DOCK9: variants seen among roughly 807,000 people sequenced by gnomAD.
DOCK9 encodes the protein dedicator of cytokinesis 9, also known as dedicator of cytokinesis protein 9.
A neutral mutation model predicts 263.3 loss-of-function variants in DOCK9; 89 were observed. The ratio of observed to expected loss-of-function variants is 0.34; its 90% CI spans 0.28 to 0.40. DOCK9 has a LOEUF of 0.40. Ranked by LOEUF, DOCK9 falls within the 10% of genes least tolerant of loss-of-function variation. The probability of loss-of-function intolerance (pLI) is 1.00; values close to 1 mark genes in which losing one functional copy is unlikely to be tolerated. For synonymous variants in DOCK9, 976 were observed against 973.1 expected (o/e 1.00, Z -0.06); for missense variants, 2,140 against 2,603.4 (o/e 0.82, Z 3.87).
Position 98,955,460 on chromosome 13 carries a change from A to G in DOCK9, c.218T>C (p.Leu73Pro). 1.3e-6 allele frequency: 2 copies of G among 1,593,670 alleles called. No individual in the cohort carries two copies. The highest frequency in any genetic ancestry group is 1.7e-6 in the Non-Finnish European group (2 of 1,168,788). Residue 73 changes from leucine to proline, a missense_variant, in exon 2 of 53, where the codon CTG becomes CCG. Physicochemically the swap from Leu to Pro is moderately conservative, Grantham distance 98 (BLOSUM62 -3). Transcript: ENST00000682017. Reference sequence around the variant, plus strand: ...CTGAAAGTCATCGTAAGGGAAGAGCAGCATCTCCCGTAAACAGTCGTTCAG... The same window carrying G: ...CTGAAAGTCATCGTAAGGGAAGAGCGGCATCTCCCGTAAACAGTCGTTCAG... ...QILNDCLREMLLFPYDDFQTA... is the reference protein window; with the variant it reads ...QILNDCLREMPLFPYDDFQTA...
intron 22 of DOCK9, 146 bp from the exon 23 acceptor site, chr13:98,883,277 T>A: frequency 2.6e-6 from 2 of 773,404 alleles, no homozygotes; most frequent in Non-Finnish European, 4.1e-6. Flanking sequence ...AGACAGAGTC[T>A]TGCTCTGTCG....
At chr13:98,885,549 A>AG (rs368698550) in intron 20 of DOCK9, 159 bp downstream of exon 20, 1 of 802,690 alleles carries the variant, frequency 1.2e-6, no homozygotes, top group Admixed American at 3.7e-5. Context: ...AAAAAAAAAA[A>AG]AAAATTACAT....
At chr13:98,841,836 T>C (rs2093230586) in intron 38 of DOCK9, among the ~76,000 whole-genome samples, 1 of 151,524 alleles carries the variant, frequency 6.6e-6, no homozygotes, top group South Asian at 2.1e-4. Context: ...AGAGACGGGG[T>C]TTCACCATGT....
chr13:99,005,136 T>C (rs956931042), intron 1 of DOCK9, among the ~76,000 whole-genome samples: 1 of 152,040 alleles, frequency 6.6e-6, no homozygotes, highest in Admixed American at 6.5e-5. Context: ...CGCTGGAATT[T>C]TTCTTTCATC....
At chr13:98,952,103 G>A (rs1336595602) in intron 2 of DOCK9, among the ~76,000 whole-genome samples, 6 of 151,268 alleles carry the variant, frequency 4.0e-5, no homozygotes, top group Non-Finnish European at 1.5e-5. Flanking sequence ...TTGCCATGTT[G>A]GCCAGGCTGG....
At position 98,902,592 on chromosome 13, in the gene DOCK9, C is replaced by T. The variant is rs79377406; in HGVS notation, c.1177-101G>A. 7.3e-3 allele frequency: 7,778 copies of T among 1,071,374 alleles called. 395 individuals are homozygous for T. In the African/African-American group the frequency reaches 0.11, roughly 15 times the overall value. The allele number at this position is 1,071,374 out of a possible 1,614,324, so 66.4% of individuals were successfully genotyped here. ...TGACAAGACCTATTTAGGACTGTTG[C>T]CATAAATTACTACTAAACAGTCTCA... On this transcript the variant is annotated intron_variant, in intron 11 of 52. Transcript: ENST00000682017.
Position 98,897,623 on chromosome 13 carries a change from A to G in DOCK9, c.1587-13T>C. 6.2e-7 allele frequency: 1 copy of G among 1,611,950 alleles called. No homozygotes were observed. The highest frequency in any genetic ancestry group is 8.5e-7 in the Non-Finnish European group (1 of 1,179,232). ...CTTAAACAATGTCCTGAAATGGCAAAGCAACATTTCTAAACTGGGTTTCCA... is the reference window on the plus strand; with the variant it reads ...CTTAAACAATGTCCTGAAATGGCAAGGCAACATTTCTAAACTGGGTTTCCA... On this transcript the variant is annotated splice_polypyrimidine_tract_variant and intron_variant, in intron 14 of 52. Transcript: ENST00000682017.
At chr13:98,998,894 T>C (rs1266995203) in intron 1 of DOCK9, among the ~76,000 whole-genome samples, 1 of 152,008 alleles carries the variant, frequency 6.6e-6, no homozygotes, top group African/African-American at 2.4e-5. Context: ...TCAAAATTAG[T>C]TTGCAACCCC....
intron 1 of DOCK9, among the ~76,000 whole-genome samples, chr13:99,017,129 C>A (rs1003365598): frequency 4.6e-5 from 7 of 152,248 alleles, no homozygotes; most frequent in Non-Finnish European, 7.4e-5. Context: ...AACAGGATGA[C>A]CCTCTGGGGT....
chr13:98,797,511 T>A, intron 50 of DOCK9, 22 bp from the exon 51 acceptor site: 1 of 1,582,928 alleles, frequency 6.3e-7, no homozygotes, highest in Non-Finnish European at 8.6e-7. Flanking sequence ...GCAAAGATTT[T>A]CAGTTCCACT....
At chr13:98,898,376 T>C (rs2047751224) in intron 13 of DOCK9, 115 bp from the exon 14 acceptor site, 6 of 726,998 alleles carry the variant, frequency 8.3e-6, no homozygotes, top group South Asian at 1.7e-5. Context: ...ATTGGATGCA[T>C]AGAAAAGCAC....
chr13:98,948,953 C>T (rs1419820426), intron 2 of DOCK9, among the ~76,000 whole-genome samples: 2 of 152,296 alleles, frequency 1.3e-5, no homozygotes, highest in African/African-American at 2.4e-5. Context: ...ATTTATCCCT[C>T]GATGGACACT....
chr13:99,056,159 C>A (rs996600243), intron 1 of DOCK9, among the ~76,000 whole-genome samples: 1 of 152,086 alleles, frequency 6.6e-6, no homozygotes, highest in Non-Finnish European at 1.5e-5. Context: ...TTCCTGTAAA[C>A]GGAGTGCCAA....
chr13:99,019,935 T>C (rs932201718), intron 1 of DOCK9, among the ~76,000 whole-genome samples: 1 of 152,020 alleles, frequency 6.6e-6, no homozygotes, highest in Admixed American at 6.5e-5. Flanking sequence ...ACCCCAATCC[T>C]ACTAAAAATA....
chr13:98,951,593 G>A (rs2057415254), intron 2 of DOCK9, among the ~76,000 whole-genome samples: 1 of 152,222 alleles, frequency 6.6e-6, no homozygotes, highest in Non-Finnish European at 1.5e-5. Flanking sequence ...ATACTCAAGT[G>A]TTTATGTGCA....
chr13:99,014,452 T>C (rs1885059059), intron 1 of DOCK9, among the ~76,000 whole-genome samples: 1 of 152,198 alleles, frequency 6.6e-6, no homozygotes, highest in Admixed American at 6.5e-5. Flanking sequence ...TCCTCCCACA[T>C]ATTGCGAGTG....
chr13:98,810,946 A>T (rs1274397164), intron 45 of DOCK9, among the ~76,000 whole-genome samples: 1 of 152,216 alleles, frequency 6.6e-6, no homozygotes, highest in Non-Finnish European at 1.5e-5. Context: ...TAAGCAGGCC[A>T]ATCAGGGTGA....
intron 45 of DOCK9, among the ~76,000 whole-genome samples, chr13:98,816,454 TAGTC>T (rs1438659484): frequency 6.6e-6 from 1 of 151,612 alleles, no homozygotes; most frequent in Non-Finnish European, 1.5e-5. Context: ...CATTTAACAG[TAGTC>T]AGTGAGTCCC....
intron 31 of DOCK9, 26 bp from the exon 32 acceptor site, chr13:98,863,158 T>C (rs755465644): frequency 1.3e-6 from 2 of 1,579,952 alleles, no homozygotes; most frequent in East Asian, 4.6e-5. Context: ...ACATGGTAAG[T>C]TTGACCCAGG....
Sources: allele counts gnomAD v4.1 joint callset (sites outside exome capture counted in the v4.1 genomes callset), GRCh38; gene constraint gnomAD v4.1.1; transcripts MANE v1.5; gene names NCBI Gene and HGNC (gene_info 2026-07-23, HGNC 2026-07-21).